Variants in TRANK1 observed in about 807,000 individuals in gnomAD.
TRANK1 encodes TPR and ankyrin repeat-containing protein 1.
In TRANK1, 198 loss-of-function variants were observed where a neutral mutation model predicts 266.0. That is an observed-to-expected ratio of 0.74 (90% CI 0.66 to 0.84). The LOEUF is 0.84. Ranked by LOEUF, TRANK1 falls within the 40% of genes least tolerant of loss-of-function variation. The pLI, the probability that TRANK1 is intolerant of heterozygous loss-of-function variation, is 0.00. For synonymous variants in TRANK1, 1,396 were observed against 1,384.1 expected (o/e 1.01, Z -0.19); for missense variants, 3,326 against 3,634.6 (o/e 0.92, Z 2.18).
rs1216289736 is a variant in TRANK1, at chr3:36,874,113, C to G, written c.1078+13G>C. 1 of 1,532,060 alleles carries G rather than the reference C, an allele frequency of 6.5e-7. No homozygotes were observed. The highest frequency in any genetic ancestry group is 2.4e-5 in the East Asian group (1 of 40,866). 94.9% of individuals were successfully genotyped at this position (1,532,060 alleles called of 1,614,324 possible). A position where few individuals can be genotyped will look rare whatever the true frequency, so the allele number is the denominator to read the frequency against. ...TTTATGCCCCCCAAAAGTTAATACA[C>G]TGGAAGCTGTACCTGATAGGTCCTT... On this transcript the variant is annotated intron_variant, in intron 9 of 23. Transcript: ENST00000645898.
At chr3:36,935,033 C>T (rs1220683050) in intron 1 of TRANK1, among the ~76,000 whole-genome samples, 3 of 152,204 alleles carry the variant, frequency 2.0e-5, no homozygotes, top group Non-Finnish European at 2.9e-5. Flanking sequence ...CCAAGACCAT[C>T]AGATCATGTG....
Position 36,852,271 on chromosome 3 carries a change from T to A in TRANK1, c.4624A>T (p.Arg1542Trp), listed in dbSNP as rs1396471689. 1 of 1,613,302 alleles carries A rather than the reference T, an allele frequency of 6.2e-7. No individual in the cohort carries two copies. ...YFPESFDRLP[R>W]DSGLFDGPKP... ...GGACCATCAAAGAGGCCAGAATCCCTTGGAAGGCGATCAAAAGATTCTGGG... is the reference window on the plus strand; with the variant it reads ...GGACCATCAAAGAGGCCAGAATCCCATGGAAGGCGATCAAAAGATTCTGGG... The change falls in exon 14 of 24, where the codon AGG (arginine) becomes TGG (tryptophan). Residue 1542 changes from arginine to tryptophan, a missense_variant. Transcript: ENST00000645898.
Position 36,831,070 on chromosome 3 carries a change from G to C in TRANK1, c.8513C>G (p.Ser2838Ter), listed in dbSNP as rs961202005. 16 of 1,613,964 alleles carry C rather than the reference G, an allele frequency of 9.9e-6. No individual in the cohort carries two copies. Among genetic ancestry groups the C allele is most frequent in the Non-Finnish European group, 1.2e-5 (14 of 1,179,900 alleles). Reference sequence around the variant, plus strand: ...GTCCACCTTCTCGTGGAAAAATTCTGAGTATTTCTGGTAGGCCACTTGCTG... The same window carrying C: ...GTCCACCTTCTCGTGGAAAAATTCTCAGTATTTCTGGTAGGCCACTTGCTG... ...QRQQVAYQKY[S>*]EFFHEKVDPA... The change falls in exon 22 of 24, where the codon TCA becomes TGA. Residue 2838 changes from serine to a stop codon, truncating the protein, a stop_gained. Coordinates refer to ENST00000645898, the MANE Select transcript of TRANK1 (RefSeq NM_001329998.2). LOFTEE classifies it high-confidence loss of function. The surrounding 1 kb of genome is among the most constrained non-coding windows in gnomAD (Gnocchi z 5.0).
Position 36,860,918 on chromosome 3 carries a change from T to A in TRANK1, c.1483A>T (p.Ile495Leu). The change falls in exon 11 of 24, where the codon ATA becomes TTA. Residue 495 changes from isoleucine (I) to leucine (L), a missense_variant. Transcript: ENST00000645898. ...QRKKQLLGCLIDSGALPDGLQ... is the reference protein window; with the variant it reads ...QRKKQLLGCLLDSGALPDGLQ... ...CAGTCACTCTCACCTCCACTGTCTA[T>A]CAGGCAGCCCAGAAGCTGTTTCTTC... 6.5e-7 allele frequency: 1 copy of A among 1,537,380 alleles called. No individual in the cohort carries two copies. The highest frequency in any genetic ancestry group is 1.2e-5 in the South Asian group (1 of 84,052).
intron 2 of TRANK1, among the ~76,000 whole-genome samples, chr3:36,905,070 C>G (rs1453374556): frequency 6.6e-6 from 1 of 151,796 alleles, no homozygotes; most frequent in Non-Finnish European, 1.5e-5. Context: ...GGGCGGATCA[C>G]GAGGTCAGGA....
intron 20 of TRANK1, among the ~76,000 whole-genome samples, chr3:36,837,108 C>G (rs2078780713): frequency 1.3e-5 from 2 of 152,230 alleles, no homozygotes; most frequent in Admixed American, 6.5e-5. Flanking sequence ...CAGCAGCCTT[C>G]TTCTGGATCC....
intron 20 of TRANK1, 121 bp downstream of exon 20, chr3:36,838,251 G>C (rs2078796176): frequency 2.1e-6 from 3 of 1,444,130 alleles, no homozygotes; most frequent in African/African-American, 2.9e-5. Context: ...CGCAGGGCCA[G>C]TGTCTCCCTC....
chr3:36,883,292 A>C (rs1043640745), intron 8 of TRANK1, among the ~76,000 whole-genome samples: 3 of 151,820 alleles, frequency 2.0e-5, no homozygotes, highest in Non-Finnish European at 4.4e-5. Context: ...AACAACAGCA[A>C]AAAAAATAGT....
Position 36,831,732 on chromosome 3 carries a change from C to T in TRANK1, c.7851G>A (p.Arg2617=), listed in dbSNP as rs1365399474. 2 of 1,613,862 alleles carry T rather than the reference C, an allele frequency of 1.2e-6. No individual in the cohort carries two copies. Among genetic ancestry groups the T allele is most frequent in the South Asian group, 1.1e-5 (1 of 91,082 alleles). The change falls in exon 22 of 24, where the codon CGG becomes CGA. Residue 2617 remains arginine, a synonymous_variant. Coordinates refer to ENST00000645898, the MANE Select transcript of TRANK1 (RefSeq NM_001329998.2). This position sits in a 1 kb window ranked among gnomAD's most constrained non-coding sequence, Gnocchi z 5.0. Reference sequence around the variant, plus strand: ...ACTTCACATTGACTGCCACCAAGACCCGCTTCACCACCTTCAGGAGCCTCT... The same window carrying T: ...ACTTCACATTGACTGCCACCAAGACTCGCTTCACCACCTTCAGGAGCCTCT... ...VPERLLKVVK[R]VLVAVNVKSV...
chr3:36,863,430 C>T (rs1173505379), intron 10 of TRANK1, among the ~76,000 whole-genome samples: 1 of 152,212 alleles, frequency 6.6e-6, no homozygotes, highest in Non-Finnish European at 1.5e-5. Flanking sequence ...TACAGAATAT[C>T]TACATCTAAT....
At chr3:36,888,484 GAATAATATTTCAATAAAGCTCAAAAA>G (rs1360554420) in intron 8 of TRANK1, among the ~76,000 whole-genome samples, 2 of 152,180 alleles carry the variant, frequency 1.3e-5, no homozygotes, top group African/African-American at 4.8e-5. Context: ...TATAGTATAT[GAATAATATTTCAATAAAGCTCAAAAA>G]TCCATAGACC....
At chr3:36,850,426 C>G in intron 15 of TRANK1, 1 of 985,368 alleles carries the variant, frequency 1.0e-6, no homozygotes, top group East Asian at 1.1e-4. Flanking sequence ...CATCTCCAGG[C>G]TCTGCCATCT....
At position 36,832,615 on chromosome 3, in the gene TRANK1, C is replaced by A. The variant is rs372110213; in HGVS notation, c.6968G>T (p.Arg2323Leu). Residue 2323 changes from arginine to leucine, a missense_variant, in exon 22 of 24, where the codon CGC becomes CTC. Physicochemically the swap from Arg to Leu is moderately radical, Grantham distance 102. Transcript: ENST00000645898. ...CAGCCACAGGTCTGTGGATTCCCGG[C>A]GGTTGCGTGCGCTTTCATTTTCAAA... ...FLFENESARN[R>L]RESTDLWLSA... The A allele has an allele frequency of 1.2e-6, 2 of 1,613,942 alleles. No homozygotes were observed. Among genetic ancestry groups the A allele is most frequent in the South Asian group, 1.1e-5 (1 of 91,078 alleles).
intron 17 of TRANK1, among the ~76,000 whole-genome samples, chr3:36,845,165 A>G (rs1226244798): frequency 6.6e-6 from 1 of 152,246 alleles, no homozygotes; most frequent in Non-Finnish European, 1.5e-5. Flanking sequence ...AGAGGTAATC[A>G]CTATAAACAG....
In TRANK1 at chr3:36,883,813, ATGTGGGG is replaced by A. The variant is rs1025268731; in HGVS notation, c.907+6009_907+6015del. On this transcript the variant is annotated intron_variant, in intron 8 of 23. Coordinates refer to ENST00000645898, the MANE Select transcript of TRANK1 (RefSeq NM_001329998.2). ...CAAAATATAAACAAAATCAAACAGGATGTGGGGCAAATCCTAAAATGGAATACAAACA... is the reference window on the plus strand; with the variant it reads ...CAAAATATAAACAAAATCAAACAGGACAAATCCTAAAATGGAATACAAACA... Among the ~76,000 whole-genome samples, 12 of 152,298 alleles carry A rather than the reference ATGTGGGG, an allele frequency of 7.9e-5. 1 individual carries two copies. Among genetic ancestry groups the A allele is most frequent in the African/African-American group, 2.9e-4 (12 of 41,566 alleles).
intron 1 of TRANK1, among the ~76,000 whole-genome samples, chr3:36,935,426 C>A (rs931054267): frequency 1.3e-5 from 2 of 150,644 alleles, no homozygotes; most frequent in South Asian, 4.2e-4. Flanking sequence ...TACTGCTTTC[C>A]CTAGAAGATG....
intron 18 of TRANK1, among the ~76,000 whole-genome samples, chr3:36,839,450 T>C (rs2078814112): frequency 6.6e-6 from 1 of 152,214 alleles, no homozygotes; most frequent in African/African-American, 2.4e-5. Context: ...AAGTGGCACA[T>C]GCTGATAAGG....
chr3:36,890,075 A>C, intron 7 of TRANK1, 115 bp from the exon 8 acceptor site: 4 of 1,369,616 alleles, frequency 2.9e-6, no homozygotes, highest in Non-Finnish European at 3.9e-6. Flanking sequence ...AAAGCAAGTC[A>C]GTGTGGACCA....
rs142138922 is a variant in TRANK1, at chr3:36,847,085, G to T, written c.5034+115C>A. Reference sequence around the variant, plus strand: ...CTTCCTTTCTTATCCTCAATTCCCCGTTGCTGAGGAAAACCAGCCAAGTGC... The same window carrying T: ...CTTCCTTTCTTATCCTCAATTCCCCTTTGCTGAGGAAAACCAGCCAAGTGC... On this transcript the variant is annotated intron_variant, in intron 16 of 23. Transcript: ENST00000645898. 3.1e-6 allele frequency: 4 copies of T among 1,273,134 alleles called. No homozygotes were observed. The African/African-American group carries it at 6.0e-5, about 19-fold the overall frequency. 78.9% of individuals were successfully genotyped at this position (1,273,134 alleles called of 1,614,324 possible). A position where few individuals can be genotyped will look rare whatever the true frequency, so the allele number is the denominator to read the frequency against.
Sources: gnomAD v4.1 joint callset for allele counts (sites outside exome capture counted in the v4.1 genomes callset) on GRCh38, gnomAD v4.1.1 for gene constraint, Gnocchi (gnomAD v3.1) non-coding constraint, MANE v1.5 for transcripts, NCBI Gene and HGNC (gene_info 2026-07-23, HGNC 2026-07-21) for gene names.